The following CNTNAP5 variants were observed in gnomAD, a reference collection of about 807,000 sequenced individuals.
CNTNAP5 encodes the protein contactin-associated protein-like 5.
CNTNAP5 carries 72 observed loss-of-function variants against 150.2 expected under a neutral mutation model. The ratio of observed to expected loss-of-function variants is 0.48; its 90% confidence interval spans 0.40 to 0.58. CNTNAP5 has a LOEUF of 0.58. Ranked by LOEUF, CNTNAP5 falls within the 20% of genes least tolerant of loss-of-function variation. CNTNAP5 has a pLI of 0.00. For missense variants in CNTNAP5, 1,636 were observed against 1,626.2 expected (o/e 1.01, Z -0.10); for synonymous variants, 672 against 619.8 (o/e 1.08, Z -1.25).
chr2:124,205,054 C>G (rs1345168771), intron 1 of CNTNAP5, among the ~76,000 whole-genome samples: 2 of 152,122 alleles, frequency 1.3e-5, no homozygotes, highest in Non-Finnish European at 2.9e-5. Flanking sequence ...AGTTGTAGCC[C>G]TAGAACTAGT....
At position 124,817,970 on chromosome 2, in the gene CNTNAP5, G is replaced by A. The variant is rs902474642; in HGVS notation, c.3217+19650G>A. ...GTAACTGCCTTTCTAGACAACGTTAGCCACCGACACATTCTCACACACTGC... is the reference window on the plus strand; with the variant it reads ...GTAACTGCCTTTCTAGACAACGTTAACCACCGACACATTCTCACACACTGC... On this transcript the variant is annotated intron_variant, in intron 19 of 23. Transcript: ENST00000682447. Among the ~76,000 whole-genome samples, 7 of 152,288 alleles carry A rather than the reference G, an allele frequency of 4.6e-5. No homozygotes were observed. In the East Asian group the frequency reaches 1.4e-3, roughly 29 times the overall value.
chr2:124,332,522 C>T (rs1004055514), intron 3 of CNTNAP5, among the ~76,000 whole-genome samples: 12 of 151,162 alleles, frequency 7.9e-5, no homozygotes, highest in Non-Finnish European at 1.6e-4. Flanking sequence ...TTTTTATAAA[C>T]TTAAGAAACC....
At chr2:124,747,463 A>G in intron 14 of CNTNAP5, 78 bp downstream of exon 14, 2 of 1,526,784 alleles carry the variant, frequency 1.3e-6, no homozygotes, top group Non-Finnish European at 1.8e-6. Flanking sequence ...AGACAGAAGG[A>G]CATGGATGAG....
intron 1 of CNTNAP5, among the ~76,000 whole-genome samples, chr2:124,057,741 G>T (rs546064073): frequency 1.3e-5 from 2 of 149,026 alleles, no homozygotes; most frequent in African/African-American, 4.9e-5. Flanking sequence ...AAACAAGAAG[G>T]ATGGTAACAG....
At chr2:124,201,927 C>A (rs1240298372) in intron 1 of CNTNAP5, among the ~76,000 whole-genome samples, 1 of 152,134 alleles carries the variant, frequency 6.6e-6, no homozygotes, top group African/African-American at 2.4e-5. Flanking sequence ...TCATTAGCCT[C>A]ACCATTAATA....
chr2:124,686,492 A>G (rs1271613648), intron 13 of CNTNAP5, among the ~76,000 whole-genome samples: 2 of 152,082 alleles, frequency 1.3e-5, no homozygotes, highest in Admixed American at 6.6e-5. Flanking sequence ...TATAGAAGAA[A>G]AGGACCTGGT....
At chr2:124,359,148 A>G (rs1245585327) in intron 3 of CNTNAP5, among the ~76,000 whole-genome samples, 1 of 152,036 alleles carries the variant, frequency 6.6e-6, no homozygotes, top group Non-Finnish European at 1.5e-5. Context: ...ATCGGCGGTG[A>G]TATCCCCTTT....
chr2:124,340,826 T>C (rs960653658), intron 3 of CNTNAP5, among the ~76,000 whole-genome samples: 1 of 148,096 alleles, frequency 6.8e-6, no homozygotes, highest in Non-Finnish European at 1.5e-5. Context: ...TATATATATA[T>C]ATGCGTGTGC....
chr2:124,165,827 T>C (rs1010050641), intron 1 of CNTNAP5, among the ~76,000 whole-genome samples: 1 of 152,154 alleles, frequency 6.6e-6, no homozygotes, highest in Non-Finnish European at 1.5e-5. Flanking sequence ...AACCCCCAGA[T>C]TGCTGACTTG....
chr2:124,195,956 C>T (rs1048273336), intron 1 of CNTNAP5, among the ~76,000 whole-genome samples: 2 of 152,034 alleles, frequency 1.3e-5, no homozygotes, highest in African/African-American at 4.8e-5. Flanking sequence ...GAAGCGCGGG[C>T]CTCTGATTTG....
At chr2:124,548,442 C>T (rs545574502) in intron 10 of CNTNAP5, among the ~76,000 whole-genome samples, 2 of 152,240 alleles carry the variant, frequency 1.3e-5, no homozygotes, top group South Asian at 4.1e-4. Context: ...CTCCATGAAA[C>T]CAGGTTTGCT....
chr2:124,134,133 A>C (rs1457247071), intron 1 of CNTNAP5, among the ~76,000 whole-genome samples: 1 of 152,128 alleles, frequency 6.6e-6, no homozygotes, highest in Non-Finnish European at 1.5e-5. Flanking sequence ...GGTGTCACTC[A>C]TTTGTAAAGG....
At chr2:124,694,266 T>G (rs1679358919) in intron 13 of CNTNAP5, among the ~76,000 whole-genome samples, 1 of 152,190 alleles carries the variant, frequency 6.6e-6, no homozygotes, top group African/African-American at 2.4e-5. Flanking sequence ...TCATTTTTAT[T>G]TAGTTCTTTG....
chr2:124,227,766 G>A (rs1379476780), intron 2 of CNTNAP5, among the ~76,000 whole-genome samples: 1 of 151,550 alleles, frequency 6.6e-6, no homozygotes, highest in African/African-American at 2.4e-5. Flanking sequence ...GAGACATTTG[G>A]TGAGGGTGGG....
intron 6 of CNTNAP5, among the ~76,000 whole-genome samples, chr2:124,455,515 T>C (rs576656650): frequency 1.4e-3 from 218 of 152,052 alleles, no homozygotes; most frequent in African/African-American, 5.1e-3. Flanking sequence ...ATCCACAAGA[T>C]AGAGAAAGAG....
rs545341912 is a variant in CNTNAP5, at chr2:124,530,052, C to T, written c.1649+2596C>T. On this transcript the variant is annotated intron_variant, in intron 10 of 23. Transcript: ENST00000682447. ...TCTGGCCGGGCACGGTTGCTCACGT[C>T]TGCAATTCCAGTACTTTAGGAGGCC... is the stretch of plus-strand genomic sequence containing the variant. 8.5e-5 allele frequency among the ~76,000 whole-genome samples: 13 copies of T among 152,316 alleles called. No homozygotes were observed. In the South Asian group the frequency reaches 2.5e-3, roughly 29 times the overall value.
intron 10 of CNTNAP5, among the ~76,000 whole-genome samples, chr2:124,546,116 T>C (rs369876084): frequency 2.0e-5 from 3 of 152,074 alleles, no homozygotes; most frequent in African/African-American, 7.2e-5. Context: ...AACACCCCAG[T>C]TGGATAAAAG....
At chr2:124,126,725 C>T (rs1269079805) in intron 1 of CNTNAP5, among the ~76,000 whole-genome samples, 1 of 151,434 alleles carries the variant, frequency 6.6e-6, no homozygotes, top group African/African-American at 2.4e-5. Flanking sequence ...TCAAGTTGGC[C>T]TCATCCCTGG....
chr2:124,806,894 T>C (rs1359684050), intron 19 of CNTNAP5, among the ~76,000 whole-genome samples: 1 of 149,568 alleles, frequency 6.7e-6, no homozygotes, highest in Non-Finnish European at 1.5e-5. Context: ...ACAGGCTAGT[T>C]ACTGAACTAC....
Sources: gnomAD v4.1 joint callset for allele counts (sites outside exome capture counted in the v4.1 genomes callset) on GRCh38, gnomAD v4.1.1 for gene constraint, MANE v1.5 for transcripts, NCBI Gene and HGNC (gene_info 2026-07-23, HGNC 2026-07-21) for gene names.